Variants in DDB1 observed in about 807,000 individuals in gnomAD.
The protein encoded by DDB1 is damage specific DNA binding protein 1.
Under a neutral mutation model 133.1 loss-of-function variants are expected in DDB1, and 18 were observed. The ratio of observed to expected loss-of-function variants is 0.14; its 90% CI spans 0.09 to 0.20. The LOEUF is 0.20. DDB1 is among the 10% of genes least tolerant of loss of function. DDB1 has a pLI of 1.00. For missense variants in DDB1, 828 were observed against 1,459.2 expected, an observed-to-expected ratio of 0.57 and a Z score of 7.05; for synonymous variants, 580 against 550.5, an observed-to-expected ratio of 1.05 and a Z score of -0.75.
intron 12 of DDB1, 146 bp from the exon 13 acceptor site, chr11:61,314,632 G>T: frequency 1.3e-6 from 1 of 778,174 alleles, no homozygotes; most frequent in Non-Finnish European, 2.0e-6. Context: ...TCCTGCTAAT[G>T]ATTACAATAG....
At chr11:61,323,903 AGGTGTGG>A in intron 7 of DDB1, 69 bp downstream of exon 7, 1 of 1,516,674 alleles carries the variant, frequency 6.6e-7, no homozygotes, top group Non-Finnish European at 9.1e-7. Context: ...CCCAGAGTTG[AGGTGTGG>A]GACCACACAT....
chr11:61,300,913 C>T lies in DDB1; in HGVS notation c.3235G>A (p.Glu1079Lys), dbSNP rs757294185. The T allele has an allele frequency of 1.9e-6, 3 of 1,614,126 alleles. No individual in the cohort carries two copies. Among genetic ancestry groups the T allele is most frequent in the Non-Finnish European group, 1.7e-6 (2 of 1,180,030 alleles). ...EHSFWRSFHTERKTEPATGFI... is the reference protein window; with the variant it reads ...EHSFWRSFHTKRKTEPATGFI... ...CCTGTGGCTGGTTCTGTCTTCCGCT[C>T]GGTGTGAAAGGATCTCCAGGTGGAT... is the stretch of plus-strand genomic sequence containing the variant. The change falls in exon 26 of 27, where the codon GAG (glutamate) becomes AAG (lysine). Residue 1079 changes from glutamate to lysine, a missense_variant. Coordinates refer to ENST00000301764, the MANE Select transcript of DDB1 (RefSeq NM_001923.5).
rs757772014 is a variant in DDB1, at chr11:61,309,941, A to C, written c.2421T>G (p.Phe807Leu). Residue 807 changes from phenylalanine to leucine, a missense_variant, in exon 20 of 27, where the codon TTT (phenylalanine) becomes TTG (leucine). Around this residue, in one of 7 missense-constraint regions of DDB1, gnomAD observed 396 missense variants for 554.1 expected, o/e 0.71. Transcript: ENST00000301764. ...HTFEVLHAHQFLQNEYALSLV... is the reference protein window; with the variant it reads ...HTFEVLHAHQLLQNEYALSLV... ...GACTGAGGGCATATTCATTCTGCAG[A>C]AACTGGTGGGCATGAAGCACTAGAG... 6.2e-7 allele frequency: 1 copy of C among 1,614,222 alleles called. No homozygotes were observed. The highest frequency in any genetic ancestry group is 1.1e-5 in the South Asian group (1 of 91,084).
chr11:61,327,637 T>C (rs1178624033), intron 4 of DDB1: 1 of 152,248 alleles, frequency 6.6e-6, no homozygotes, highest in South Asian at 2.1e-4. Flanking sequence ...TCCGCTAAAG[T>C]TGTCAAAACT....
chr11:61,301,922 C>A (rs914530555), intron 25 of DDB1: 1 of 195,052 alleles, frequency 5.1e-6, no homozygotes, highest in Non-Finnish European at 1.1e-5. Flanking sequence ...TCAACCAAAT[C>A]CCTGAAAGGA....
At chr11:61,316,643 C>T in intron 10 of DDB1, 76 bp from the exon 11 acceptor site, 1 of 1,478,736 alleles carries the variant, frequency 6.8e-7, no homozygotes, top group African/African-American at 1.4e-5. Flanking sequence ...CAGGGCAGGC[C>T]AGGGGCAGTG....
chr11:61,319,744 T>C (rs900077015), intron 10 of DDB1, among the ~76,000 whole-genome samples: 4 of 152,230 alleles, frequency 2.6e-5, no homozygotes, highest in African/African-American at 9.6e-5. Flanking sequence ...ATTGCTCTTT[T>C]TAAAGTTTTC....
Position 61,329,679 on chromosome 11 carries a change from G to A in DDB1, c.328-95C>T, listed in dbSNP as rs575503241. 25 of 1,178,324 alleles carry A rather than the reference G, an allele frequency of 2.1e-5. 1 individual carries two copies. In the South Asian group the frequency reaches 3.4e-4, roughly 16 times the overall value. The allele number at this position is 1,178,324 out of a possible 1,614,324, so 73.0% of individuals were successfully genotyped here. ...CTTGTGCAGAAAAATTTTAGGAGAG[G>A]TATTAAAACTAATGGATCTATTTGA... On this transcript the variant is annotated intron_variant, in intron 3 of 26. Coordinates refer to ENST00000301764, the MANE Select transcript of DDB1 (RefSeq NM_001923.5).
At chr11:61,302,497 G>C (rs1007861995) in intron 24 of DDB1, 85 bp downstream of exon 24, 1 of 1,592,346 alleles carries the variant, frequency 6.3e-7, no homozygotes, top group Non-Finnish European at 8.6e-7. Context: ...CCTAGGTCTT[G>C]TACAGTTGCT....
At chr11:61,302,214 C>G (rs200814352) in intron 25 of DDB1, 43 bp downstream of exon 25, 4 of 1,533,724 alleles carry the variant, frequency 2.6e-6, no homozygotes, top group Middle Eastern at 1.7e-4. Flanking sequence ...CCACATATGC[C>G]GGGATGTGCT....
chr11:61,332,740 G>C (rs1180544259), intron 1 of DDB1, 168 bp downstream of exon 1: 2 of 520,732 alleles, frequency 3.8e-6, no homozygotes, highest in African/African-American at 4.0e-5. Context: ...GCGCGTACAG[G>C]GACGACTCTT....
chr11:61,313,413 A>G, intron 16 of DDB1, 86 bp downstream of exon 16: 1 of 1,245,340 alleles, frequency 8.0e-7, no homozygotes, highest in African/African-American at 1.5e-5. Context: ...TTGACACCGG[A>G]AAAAGGCTTT....
At chr11:61,325,815 C>T in intron 5 of DDB1, 107 bp from the exon 6 acceptor site, 2 of 840,664 alleles carry the variant, frequency 2.4e-6, no homozygotes, top group South Asian at 2.9e-5. Flanking sequence ...TTAAGGTCAT[C>T]ATTATTTTAA....
At position 61,303,849 on chromosome 11, in the gene DDB1, C is replaced by T. The variant is rs1855840984; in HGVS notation, c.2832+16G>A. 1.2e-6 allele frequency: 2 copies of T among 1,613,246 alleles called. No individual in the cohort carries two copies. Among genetic ancestry groups the T allele is most frequent in the Non-Finnish European group, 1.7e-6 (2 of 1,179,700 alleles). On this transcript the variant is annotated intron_variant, in intron 22 of 26. Coordinates refer to ENST00000301764, the MANE Select transcript of DDB1 (RefSeq NM_001923.5). ...CTCAAGCAAGAAGTCTGCTCGCATC[C>T]CCCCACCAGCATCACCTCTTCAAAG... is the stretch of plus-strand genomic sequence containing the variant.
intron 21 of DDB1, among the ~76,000 whole-genome samples, chr11:61,306,280 T>TC (rs1360696621): frequency 6.6e-6 from 1 of 152,220 alleles, no homozygotes; most frequent in Non-Finnish European, 1.5e-5. Context: ...CTTGTGGCCC[T>TC]CTTAACTTGT....
intron 20 of DDB1, 47 bp downstream of exon 20, chr11:61,309,749 T>A: frequency 4.4e-6 from 7 of 1,586,190 alleles, no homozygotes; most frequent in Non-Finnish European, 6.0e-6. Context: ...CTGCTGACTT[T>A]CTCAGCATTT....
intron 22 of DDB1, 70 bp from the exon 23 acceptor site, chr11:61,303,225 T>C: frequency 1.4e-6 from 2 of 1,438,470 alleles, no homozygotes; most frequent in Non-Finnish European, 2.0e-6. Flanking sequence ...CTGGGACTTG[T>C]GTTTCCTTTA....
rs369616572 is a variant in DDB1, at chr11:61,300,227, G to C, written c.3340-8C>G. ...ACCGCTGCCATCGTCATACTGCAATGAGAAGATGGGCGGGGCTGTGAGGAC... is the reference window on the plus strand; with the variant it reads ...ACCGCTGCCATCGTCATACTGCAATCAGAAGATGGGCGGGGCTGTGAGGAC... On this transcript the variant is annotated splice_region_variant and splice_polypyrimidine_tract_variant and intron_variant, in intron 26 of 26. Coordinates refer to ENST00000301764, the MANE Select transcript of DDB1 (RefSeq NM_001923.5). 280 of 1,613,670 alleles carry C rather than the reference G, an allele frequency of 1.7e-4. No individual in the cohort carries two copies. Among genetic ancestry groups the C allele is most frequent in the Non-Finnish European group, 2.2e-4 (265 of 1,179,818 alleles).
chr11:61,323,912 AC>A (rs1416736468), intron 7 of DDB1, 66 bp downstream of exon 7: 1 of 1,552,804 alleles, frequency 6.4e-7, no homozygotes, highest in African/African-American at 1.4e-5. Flanking sequence ...GAGGTGTGGG[AC>A]CACACATTTG....
Sources: gnomAD v4.1 joint callset for allele counts (sites outside exome capture counted in the v4.1 genomes callset) on GRCh38, gnomAD v4.1.1 for gene constraint, gnomAD v4.1.1 regional missense constraint, MANE v1.5 for transcripts, NCBI Gene and HGNC (gene_info 2026-07-23, HGNC 2026-07-21) for gene names.